The following CACNA1I variants were observed in gnomAD, a reference collection of about 807,000 sequenced individuals.
CACNA1I encodes voltage-dependent T-type calcium channel subunit alpha-1I.
A neutral mutation model predicts 201.6 loss-of-function variants in CACNA1I; 74 were observed. The ratio of observed to expected loss-of-function variants is 0.37; its 90% CI spans 0.30 to 0.45. CACNA1I has a LOEUF of 0.45. Ranked by LOEUF, CACNA1I falls within the 20% of genes least tolerant of loss-of-function variation. The probability of loss-of-function intolerance (pLI) is 1.00; values close to 1 mark genes in which losing one functional copy is unlikely to be tolerated. For missense variants in CACNA1I, 2,346 were observed against 3,138.1 expected (o/e 0.75, Z 6.03); for synonymous variants, 1,431 against 1,345.2 (o/e 1.06, Z -1.40).
At chr22:39,683,796 C>A (rs1037535161) in intron 35 of CACNA1I, among the ~76,000 whole-genome samples, 13 of 151,816 alleles carry the variant, frequency 8.6e-5, no homozygotes, top group Non-Finnish European at 1.9e-4. Context: ...CCAGACTGAC[C>A]TGCCATCCAG....
At position 39,670,209 on chromosome 22, in the gene CACNA1I, C is replaced by T. The variant is rs763242832; in HGVS notation, c.4366C>T (p.Arg1456Cys). The change falls in exon 25 of 37, where the codon CGC (arginine) becomes TGC (cysteine). Residue 1456 changes from arginine to cysteine, a missense_variant. Arg to Cys is a radical substitution (Grantham distance 180, BLOSUM62 -3). Around this residue, in one of 13 missense-constraint regions of CACNA1I, gnomAD observed 228 missense variants for 395.7 expected, o/e 0.58. Transcript: ENST00000402142. ...ARRREEKRLR[R>C]LEKKRRKAQR... ...GCGGCGTGAGGAGAAGCGGCTGCGG[C>T]GCCTGGAGAAGAAGCGCCGGAGTGA... 11 of 1,613,106 alleles carry T rather than the reference C, an allele frequency of 6.8e-6. No homozygotes were observed. Among genetic ancestry groups the T allele is most frequent in the Admixed American group, 6.7e-5 (4 of 60,002 alleles).
At position 39,662,059 on chromosome 22, in the gene CACNA1I, C is replaced by G. The variant is rs751108102; in HGVS notation, c.2996C>G (p.Pro999Arg). 6.4e-7 allele frequency: 1 copy of G among 1,555,002 alleles called. No homozygotes were observed. Among genetic ancestry groups the G allele is most frequent in the Non-Finnish European group, 8.7e-7 (1 of 1,154,714 alleles). ...SSWNSLKHKPPSAEHESLLSA... is the reference protein window; with the variant it reads ...SSWNSLKHKPRSAEHESLLSA... ...TGGAACAGCCTCAAGCACAAGCCGC[C>G]GTCGGCGGAGCATGAGTCCCTGCTC... The change falls in exon 17 of 37, where the codon CCG (proline) becomes CGG (arginine). Residue 999 changes from proline to arginine, a missense_variant. Around this residue, in one of 13 missense-constraint regions of CACNA1I, gnomAD observed 288 missense variants for 255.2 expected, o/e 1.13. Transcript: ENST00000402142.
intron 5 of CACNA1I, among the ~76,000 whole-genome samples, chr22:39,639,465 T>A (rs977959126): frequency 1.3e-5 from 2 of 152,190 alleles, no homozygotes; most frequent in African/African-American, 4.8e-5. Context: ...GTTTTTGTGG[T>A]GATGTTCATT....
chr22:39,657,366 C>G (rs552855621), intron 10 of CACNA1I, among the ~76,000 whole-genome samples: 3 of 152,186 alleles, frequency 2.0e-5, no homozygotes, highest in Non-Finnish European at 2.9e-5. Flanking sequence ...TGTCCTCCTC[C>G]GAGAGCTGCT....
At position 39,676,558 on chromosome 22, in the gene CACNA1I, T is replaced by C. The variant is rs532079588; in HGVS notation, c.4855-783T>C. ...TTAAAGGTGGTCTCCAATGCATGGATAGATTTGAACTAGGTTTGGAATCTG... is the reference window on the plus strand; with the variant it reads ...TTAAAGGTGGTCTCCAATGCATGGACAGATTTGAACTAGGTTTGGAATCTG... On this transcript the variant is annotated intron_variant, in intron 29 of 36. Coordinates refer to ENST00000402142, the MANE Select transcript of CACNA1I (RefSeq NM_021096.4). This position sits in a 1 kb window ranked among gnomAD's most constrained non-coding sequence, Gnocchi z 4.8. Among the ~76,000 whole-genome samples the C allele has an allele frequency of 1.9e-4, 29 of 152,236 alleles. No individual in the cohort carries two copies. Among genetic ancestry groups the C allele is most frequent in the South Asian group, 4.1e-4 (2 of 4,836 alleles).
chr22:39,669,228 G>A (rs1006015251), intron 24 of CACNA1I, among the ~76,000 whole-genome samples: 1 of 152,200 alleles, frequency 6.6e-6, no homozygotes, highest in African/African-American at 2.4e-5. Context: ...TGGACCTCTG[G>A]CTCTTGGCTT....
chr22:39,592,296 G>C (rs576806470), intron 1 of CACNA1I, among the ~76,000 whole-genome samples: 1 of 152,216 alleles, frequency 6.6e-6, no homozygotes, highest in Admixed American at 6.5e-5. Flanking sequence ...TGGTACTGTG[G>C]CTGTGCCGAG....
intron 1 of CACNA1I, among the ~76,000 whole-genome samples, chr22:39,584,225 G>A (rs1372297724): frequency 1.3e-5 from 2 of 152,146 alleles, no homozygotes; most frequent in Admixed American, 1.3e-4. Context: ...TTTAGGTGGT[G>A]AAATGGACAG....
intron 15 of CACNA1I, 71 bp downstream of exon 15, chr22:39,660,508 C>G: frequency 1.0e-6 from 1 of 1,003,364 alleles, no homozygotes; most frequent in African/African-American, 1.6e-5. Flanking sequence ...GCAGAGGGTA[C>G]AGCGTCTGAC....
Position 39,686,986 on chromosome 22 carries a change from G to A in CACNA1I, c.*581G>A, listed in dbSNP as rs1449509304. On this transcript the variant is annotated 3_prime_UTR_variant, in exon 37 of 37. Coordinates refer to ENST00000402142, the MANE Select transcript of CACNA1I (RefSeq NM_021096.4). ...AGAAGAAACGCTGCTAAGATCCCAC[G>A]TGGCTCCCACGTGTCGGGGTGTCTG... 1.3e-5 allele frequency: 2 copies of A among 152,164 alleles called. No homozygotes were observed. The highest frequency in any genetic ancestry group is 6.5e-5 in the Admixed American group (1 of 15,296). 9.4% of individuals were successfully genotyped at this position (152,164 alleles called of 1,614,324 possible).
At chr22:39,592,173 C>A (rs118028480) in intron 1 of CACNA1I, among the ~76,000 whole-genome samples, 3,834 of 152,278 alleles carry the variant, frequency 0.025, 61 homozygotes, top group Non-Finnish European at 0.04. Context: ...CTTGGGACGG[C>A]TTTGCCTGCC....
intron 35 of CACNA1I, 82 bp downstream of exon 35, chr22:39,682,743 T>G: frequency 1.6e-6 from 2 of 1,216,130 alleles, no homozygotes; most frequent in South Asian, 3.0e-5. Context: ...AGTTTTTTCC[T>G]TAGTATTTTT....
Position 39,686,539 on chromosome 22 carries a change from C to A in CACNA1I, c.*134C>A. 1 of 636,394 alleles carries A rather than the reference C, an allele frequency of 1.6e-6. No homozygotes were observed. Among genetic ancestry groups the A allele is most frequent in the Non-Finnish European group, 2.2e-6 (1 of 460,752 alleles). The allele number at this position is 636,394 out of a possible 1,614,324, so 39.4% of individuals were successfully genotyped here. A position where few individuals can be genotyped will look rare whatever the true frequency, so the allele number is the denominator to read the frequency against. ...CCCGCAGGGCACAGGCGCCCGACAGCCGGGCTGAGCGGAGTCTGGGTTAGC... is the reference window on the plus strand; with the variant it reads ...CCCGCAGGGCACAGGCGCCCGACAGACGGGCTGAGCGGAGTCTGGGTTAGC... On this transcript the variant is annotated 3_prime_UTR_variant, in exon 37 of 37. Coordinates refer to ENST00000402142, the MANE Select transcript of CACNA1I (RefSeq NM_021096.4).
rs377096636 is a variant in CACNA1I at position 39,602,644 on chromosome 22, G to A, written c.482+1991G>A. Among the ~76,000 whole-genome samples the A allele has an allele frequency of 4.6e-5, 7 of 152,036 alleles. No homozygotes were observed. In the South Asian group the frequency reaches 8.3e-4, roughly 18 times the overall value. Reference sequence around the variant, plus strand: ...TTCCTTTGATCTTTGAGTGTGGACCGTTATTTGTGCTATTGTAGAGTCAGA... The same window carrying A: ...TTCCTTTGATCTTTGAGTGTGGACCATTATTTGTGCTATTGTAGAGTCAGA... On this transcript the variant is annotated intron_variant, in intron 3 of 36. Coordinates refer to ENST00000402142, the MANE Select transcript of CACNA1I (RefSeq NM_021096.4).
chr22:39,682,764 T>A (rs1367871358), intron 35 of CACNA1I, 103 bp downstream of exon 35: 2 of 962,318 alleles, frequency 2.1e-6, no homozygotes, highest in Non-Finnish European at 3.0e-6. Flanking sequence ...ACCCAGATTA[T>A]TATATTTAGT....
At chr22:39,681,408 T>C (rs1249306904) in intron 34 of CACNA1I, among the ~76,000 whole-genome samples, 2 of 152,224 alleles carry the variant, frequency 1.3e-5, no homozygotes, top group Non-Finnish European at 2.9e-5. Flanking sequence ...GCACCTGCTA[T>C]GTGCGGGGGC....
Position 39,677,981 on chromosome 22 carries a change from T to A in CACNA1I, c.4934-6T>A. On this transcript the variant is annotated splice_region_variant and splice_polypyrimidine_tract_variant and intron_variant, in intron 30 of 36. Coordinates refer to ENST00000402142, the MANE Select transcript of CACNA1I (RefSeq NM_021096.4). This position sits in a 1 kb window ranked among gnomAD's most constrained non-coding sequence, Gnocchi z 4.8. ...CGGGCAGGGCTGACCTCCTCCCCGC[T>A]TCCAGTCTGCAACGACGAGAACCCG... is the stretch of plus-strand genomic sequence containing the variant. 6.3e-7 allele frequency: 1 copy of A among 1,584,476 alleles called. No individual in the cohort carries two copies. The highest frequency in any genetic ancestry group is 2.3e-5 in the East Asian group (1 of 43,120).
At chr22:39,651,031 ACCATTTTCTGGCT>A (rs1934631294) in intron 10 of CACNA1I, among the ~76,000 whole-genome samples, 1 of 152,138 alleles carries the variant, frequency 6.6e-6, no homozygotes, top group East Asian at 1.9e-4. Flanking sequence ...TTGGAAAAAC[ACCATTTTCTGGCT>A]CCTGCCATCC....
Position 39,689,581 on chromosome 22 carries a change from C to G in CACNA1I, c.*3176C>G, listed in dbSNP as rs1008348931. ...GGGCCGCCGCCGTGACTCTAGCACTCTCAGTCGCTGTACAGTTTCTATGGT... is the reference window on the plus strand; with the variant it reads ...GGGCCGCCGCCGTGACTCTAGCACTGTCAGTCGCTGTACAGTTTCTATGGT... On this transcript the variant is annotated 3_prime_UTR_variant, in exon 37 of 37. Transcript: ENST00000402142. 2.0e-5 allele frequency: 3 copies of G among 152,802 alleles called. No homozygotes were observed. The highest frequency in any genetic ancestry group is 7.2e-5 in the African/African-American group (3 of 41,472). The allele number at this position is 152,802 out of a possible 1,614,324, so 9.5% of individuals were successfully genotyped here. A position where few individuals can be genotyped will look rare whatever the true frequency, so the allele number is the denominator to read the frequency against.
Sources: allele counts gnomAD v4.1 joint callset (sites outside exome capture counted in the v4.1 genomes callset), GRCh38; gene constraint gnomAD v4.1.1; regional missense constraint gnomAD v4.1.1; non-coding constraint Gnocchi (gnomAD v3.1); transcripts MANE v1.5; gene names NCBI Gene and HGNC (gene_info 2026-07-23, HGNC 2026-07-21).